The following LRRK1 variants were observed in gnomAD, a reference collection of about 807,000 sequenced individuals.
LRRK1 encodes leucine-rich repeat serine/threonine-protein kinase 1.
LRRK1 carries 113 observed loss-of-function variants against 209.1 expected under a neutral mutation model. That is an observed-to-expected ratio of 0.54 (90% CI 0.46 to 0.63). The LOEUF is 0.63. Ranked by LOEUF, LRRK1 falls within the 30% of genes least tolerant of loss-of-function variation. LRRK1 has a pLI of 0.00. For missense variants in LRRK1, 2,284 were observed against 2,632.2 expected (o/e 0.87, Z 2.89); for synonymous variants, 1,144 against 1,099.7 (o/e 1.04, Z -0.80).
At chr15:100,953,773 T>C (rs1444018101) in intron 2 of LRRK1, among the ~76,000 whole-genome samples, 2 of 152,196 alleles carry the variant, frequency 1.3e-5, no homozygotes, top group African/African-American at 4.8e-5. Context: ...TTTCCCATAA[T>C]GGCTGCTACC....
At chr15:100,996,386 T>G (rs1242576580) in intron 6 of LRRK1, among the ~76,000 whole-genome samples, 1 of 152,230 alleles carries the variant, frequency 6.6e-6, no homozygotes, top group East Asian at 1.9e-4. Flanking sequence ...CCCTGACTCC[T>G]CTTGGCCTGG....
chr15:101,049,859 G>C (rs571439719), intron 23 of LRRK1, 76 bp downstream of exon 23: 2 of 1,479,070 alleles, frequency 1.4e-6, no homozygotes, highest in Admixed American at 2.2e-5. Context: ...TGCTGCTTTC[G>C]GGGTGGACAA....
rs2033935678 is a variant in LRRK1, at chr15:101,024,559, G to C, written c.2068-244G>C. ...AGCCAGGCCCTCTGAAGTCTGTCCA[G>C]GGCCTGGTCTCTGCTCTGCTAGGAG... is the stretch of plus-strand genomic sequence containing the variant. On this transcript the variant is annotated intron_variant, in intron 15 of 33. Coordinates refer to ENST00000388948, the MANE Select transcript of LRRK1 (RefSeq NM_024652.6). This position sits in a 1 kb window ranked among gnomAD's most constrained non-coding sequence, Gnocchi z 4.6. Among the ~76,000 whole-genome samples, 1 of 152,196 alleles carries C rather than the reference G, an allele frequency of 6.6e-6. No individual in the cohort carries two copies. Among genetic ancestry groups the C allele is most frequent in the Non-Finnish European group, 1.5e-5 (1 of 68,034 alleles).
chr15:101,057,984 C>A lies in LRRK1; in HGVS notation c.4528-6C>A, dbSNP rs1433318663. On this transcript the variant is annotated splice_region_variant and splice_polypyrimidine_tract_variant and intron_variant, in intron 28 of 33. Coordinates refer to ENST00000388948, the MANE Select transcript of LRRK1 (RefSeq NM_024652.6). ...TTGCTCTCTTCTGGTGGCTTCTCTC[C>A]CTCAGCGACCGCTGGCCCTGTCGGT... 1 of 1,613,970 alleles carries A rather than the reference C, an allele frequency of 6.2e-7. No homozygotes were observed. The highest frequency in any genetic ancestry group is 1.1e-5 in the South Asian group (1 of 91,058).
At position 101,021,104 on chromosome 15, in the gene LRRK1, G is replaced by A. The variant is rs1423124755; in HGVS notation, c.1661G>A (p.Cys554Tyr). ...CTAAGTGAGTCTTTGGAAGTCCTTT[G>A]CCTGAACGACAACCACCTCGACACA... ...AFLSESLEVL[C>Y]LNDNHLDTVP... The change falls in exon 13 of 34, where the codon TGC becomes TAC. Residue 554 changes from cysteine (C) to tyrosine (Y), a missense_variant. By Grantham distance (194) the Cys-to-Tyr change is radical. Around this residue, in one of 6 missense-constraint regions of LRRK1, gnomAD observed 494 missense variants for 522.1 expected, o/e 0.95. Transcript: ENST00000388948. 1.9e-6 allele frequency: 3 copies of A among 1,614,162 alleles called. No homozygotes were observed. Among genetic ancestry groups the A allele is most frequent in the East Asian group, 2.2e-5 (1 of 44,890 alleles).
intron 16 of LRRK1, among the ~76,000 whole-genome samples, chr15:101,025,442 C>T (rs1282239228): frequency 6.6e-6 from 1 of 152,184 alleles, no homozygotes; most frequent in Non-Finnish European, 1.5e-5. Flanking sequence ...GTCTGTTTTG[C>T]ATTACTAGAA....
At chr15:101,003,530 A>G (rs1390644734) in intron 6 of LRRK1, among the ~76,000 whole-genome samples, 3 of 152,218 alleles carry the variant, frequency 2.0e-5, no homozygotes, top group Non-Finnish European at 4.4e-5. Flanking sequence ...GAGGCCTCAC[A>G]ATCATGGCAG....
intron 23 of LRRK1, 112 bp from the exon 24 acceptor site, chr15:101,051,599 C>G: frequency 7.2e-7 from 1 of 1,380,420 alleles, no homozygotes; most frequent in Admixed American, 2.1e-5. Flanking sequence ...CAGGCCAGGA[C>G]AGGCAGCTCC....
chr15:101,065,268 C>T lies in LRRK1; in HGVS notation c.4915-84C>T. The T allele has an allele frequency of 2.6e-6, 4 of 1,509,920 alleles. No homozygotes were observed. The Middle Eastern group carries it at 5.4e-4, about 203-fold the overall frequency. The allele number at this position is 1,509,920 out of a possible 1,614,324, so 93.5% of individuals were successfully genotyped here. On this transcript the variant is annotated intron_variant, in intron 31 of 33. Transcript: ENST00000388948. ...AGTGACTGCCCGCCTGGTGTGGGTG[C>T]AGATGAGTCCAGTGCCTACTCTGTG...
chr15:100,951,421 C>T (rs142571596), intron 2 of LRRK1, among the ~76,000 whole-genome samples: 2 of 152,134 alleles, frequency 1.3e-5, no homozygotes, highest in East Asian at 3.9e-4. Context: ...ACCATATGAC[C>T]CAGCAATTCC....
At chr15:100,926,047 T>C (rs1183663687) in intron 2 of LRRK1, among the ~76,000 whole-genome samples, 1 of 152,234 alleles carries the variant, frequency 6.6e-6, no homozygotes, top group Admixed American at 6.5e-5. Flanking sequence ...CCATCTGAAA[T>C]GTCCAGCAGC....
chr15:101,037,525 G>C (rs1379267124), intron 20 of LRRK1, among the ~76,000 whole-genome samples: 1 of 152,192 alleles, frequency 6.6e-6, no homozygotes, highest in Non-Finnish European at 1.5e-5. Flanking sequence ...CAGGAGTGAA[G>C]TGATCCCCAG....
At chr15:100,996,246 C>T (rs1414030575) in intron 6 of LRRK1, among the ~76,000 whole-genome samples, 2 of 152,244 alleles carry the variant, frequency 1.3e-5, no homozygotes, top group African/African-American at 4.8e-5. Flanking sequence ...ACATCACCAC[C>T]GCCCTGGCGC....
Position 101,048,580 on chromosome 15 carries a change from C to A in LRRK1, c.3222C>A (p.Ser1074Arg). The change falls in exon 22 of 34, where the codon AGC becomes AGA. Residue 1074 changes from serine (S) to arginine (R), a missense_variant. Around this residue, in one of 6 missense-constraint regions of LRRK1, gnomAD observed 780 missense variants for 985.2 expected, o/e 0.79. Transcript: ENST00000388948. Reference protein sequence around the residue: ...SFTGNQRNRCSTFRVKRNQTI... With the variant: ...SFTGNQRNRCRTFRVKRNQTI... ...CAGGAAACCAGAGAAATCGCTGTAG[C>A]ACATTCAGAGTGAAAAGAAATCAGA... The A allele has an allele frequency of 2.5e-6, 4 of 1,586,006 alleles. No individual in the cohort carries two copies. Among genetic ancestry groups the A allele is most frequent in the Non-Finnish European group, 3.4e-6 (4 of 1,170,334 alleles).
At position 101,062,567 on chromosome 15, in the gene LRRK1, T is replaced by C. The variant is rs1162711557; in HGVS notation, c.4798-7T>C. On this transcript the variant is annotated splice_region_variant and splice_polypyrimidine_tract_variant and intron_variant, in intron 30 of 33. Coordinates refer to ENST00000388948, the MANE Select transcript of LRRK1 (RefSeq NM_024652.6). ...GGGTCTCACAGTGGACCTGTCTGCC[T>C]CTGCAGGACCAGAAAATCTACATCT... The C allele has an allele frequency of 4.4e-6, 7 of 1,595,584 alleles. No individual in the cohort carries two copies. Among genetic ancestry groups the C allele is most frequent in the Non-Finnish European group, 5.2e-6 (6 of 1,163,130 alleles).
chr15:101,046,128 C>A lies in LRRK1; in HGVS notation c.3111C>A (p.Ile1037=). ...AAAGGTTTATAGCACGGATGCTGAT[C>A]AGCCTGGCGGAGATGGACCTGCAGG... ...FWQRFIARML[I]SLAEMDLQLF... is the part of the protein sequence containing the mutation. Residue 1037 remains isoleucine, a synonymous_variant, in exon 21 of 34, where the codon ATC becomes ATA. Transcript: ENST00000388948. 1.2e-6 allele frequency: 2 copies of A among 1,614,256 alleles called. No homozygotes were observed. Among genetic ancestry groups the A allele is most frequent in the South Asian group, 1.1e-5 (1 of 91,088 alleles).
intron 27 of LRRK1, 115 bp from the exon 28 acceptor site, chr15:101,056,741 T>C (rs569627958): frequency 5.3e-6 from 4 of 759,722 alleles, no homozygotes; most frequent in East Asian, 2.8e-5. Flanking sequence ...AGGTGGTTTG[T>C]TGAATGTTTG....
At chr15:101,049,535 G>C in intron 22 of LRRK1, 109 bp from the exon 23 acceptor site, 2 of 1,286,526 alleles carry the variant, frequency 1.6e-6, no homozygotes, top group East Asian at 2.3e-5. Context: ...AGGGCACAGA[G>C]TCTCTCCAGG....
intron 2 of LRRK1, among the ~76,000 whole-genome samples, chr15:100,925,106 C>A: frequency 6.6e-6 from 1 of 152,142 alleles, no homozygotes; most frequent in African/African-American, 2.4e-5. Flanking sequence ...ATCCCGCTAT[C>A]TCAAACACAA....
Sources: gnomAD v4.1 joint callset for allele counts (sites outside exome capture counted in the v4.1 genomes callset) on GRCh38, gnomAD v4.1.1 for gene constraint, gnomAD v4.1.1 regional missense constraint, Gnocchi (gnomAD v3.1) non-coding constraint, MANE v1.5 for transcripts, NCBI Gene and HGNC (gene_info 2026-07-23, HGNC 2026-07-21) for gene names.